The following CCDC88A variants were observed in gnomAD, a reference collection of about 807,000 sequenced individuals.
CCDC88A encodes the protein coiled-coil and HOOK domain protein 88A, also known as girdin.
CCDC88A carries 54 observed loss-of-function variants against 234.3 expected under a neutral mutation model. The ratio of observed to expected loss-of-function variants is 0.23; its 90% confidence interval spans 0.19 to 0.29. The LOEUF (loss-of-function observed/expected upper bound fraction) is 0.29. Ranked by LOEUF, CCDC88A falls within the 10% of genes least tolerant of loss-of-function variation. CCDC88A has a pLI of 1.00. For missense variants in CCDC88A, 1,832 were observed against 2,123.4 expected (o/e 0.86, Z 2.70); for synonymous variants, 753 against 737.8 (o/e 1.02, Z -0.33).
In CCDC88A at chr2:55,317,230, T is replaced by C. The variant is rs1683101079; in HGVS notation, c.3722A>G (p.Lys1241Arg). 1.3e-6 allele frequency: 2 copies of C among 1,523,454 alleles called. No homozygotes were observed. The highest frequency in any genetic ancestry group is 1.8e-6 in the Non-Finnish European group (2 of 1,130,028). 94.4% of individuals were successfully genotyped at this position (1,523,454 alleles called of 1,614,324 possible). A position where few individuals can be genotyped will look rare whatever the true frequency, so the allele number is the denominator to read the frequency against. Residue 1241 changes from lysine to arginine, a missense_variant, in exon 21 of 33, where the codon AAG becomes AGG. Around this residue, in one of 6 missense-constraint regions of CCDC88A, gnomAD observed 1,282 missense variants for 1,543.6 expected, o/e 0.83. Coordinates refer to ENST00000436346, the MANE Select transcript of CCDC88A (RefSeq NM_001365480.1). The surrounding 1 kb of genome is among the most constrained non-coding windows in gnomAD (Gnocchi z 4.2). ...CCTATCATTTTCACCACAAAGTTTC[T>C]TGTATTCTGCAGCTACTGTTTCATG... ...KNHETVAAEY[K>R]KLCGENDRLN...
intron 2 of CCDC88A, among the ~76,000 whole-genome samples, chr2:55,408,514 A>G (rs1253354591): frequency 6.6e-5 from 10 of 152,120 alleles, no homozygotes; most frequent in African/African-American, 2.4e-4. Flanking sequence ...CAAAACCAAG[A>G]TGCTGACAAG....
intron 3 of CCDC88A, among the ~76,000 whole-genome samples, chr2:55,380,553 CAT>C (rs145218719): frequency 0.049 from 7,423 of 152,182 alleles, 309 homozygotes; most frequent in African/African-American, 0.12. Context: ...ATTTCCACCA[CAT>C]GTTAGCTGGC....
At chr2:55,357,257 T>G (rs1428738021) in intron 7 of CCDC88A, among the ~76,000 whole-genome samples, 2 of 152,160 alleles carry the variant, frequency 1.3e-5, no homozygotes, top group East Asian at 3.9e-4. Context: ...TCCAATCTGC[T>G]TCCTATCTCA....
At chr2:55,377,599 A>ATT (rs1343055826) in intron 3 of CCDC88A, among the ~76,000 whole-genome samples, 5 of 151,780 alleles carry the variant, frequency 3.3e-5, no homozygotes, top group African/African-American at 9.7e-5. Flanking sequence ...TTAATTTTTT[A>ATT]TTTATTTTTA....
At chr2:55,376,179 C>A (rs941209327) in intron 3 of CCDC88A, among the ~76,000 whole-genome samples, 1 of 152,124 alleles carries the variant, frequency 6.6e-6, no homozygotes, top group Non-Finnish European at 1.5e-5. Context: ...ACCACTGACA[C>A]TGATGATATG....
In CCDC88A at chr2:55,302,014, C is replaced by T; in HGVS notation, c.4530G>A (p.Glu1510=). Residue 1510 remains glutamate, a synonymous_variant, in exon 27 of 33, where the codon GAG becomes GAA. Transcript: ENST00000436346. ...AAATATCATCAGGAACCTCCAAATT[C>T]TCAGTACTACCTGTCCACTGTCCTG... The part of the protein sequence containing the change: ...VLAGQWTGST[E]NLEVPDDIST... 1 of 1,614,196 alleles carries T rather than the reference C, an allele frequency of 6.2e-7. No homozygotes were observed. Among genetic ancestry groups the T allele is most frequent in the Non-Finnish European group, 8.5e-7 (1 of 1,180,006 alleles).
intron 3 of CCDC88A, among the ~76,000 whole-genome samples, chr2:55,383,622 T>TA (rs113191820): frequency 0.014 from 1,983 of 137,344 alleles, 37 homozygotes; most frequent in East Asian, 0.073. Context: ...GACTCCGTCT[T>TA]AAAAAAAAAA....
chr2:55,294,622 G>C (rs1313646167), intron 31 of CCDC88A: 5 of 986,510 alleles, frequency 5.1e-6, no homozygotes, highest in Non-Finnish European at 1.2e-6. Flanking sequence ...AAAAAAAGGA[G>C]TGACAGTCAG....
intron 2 of CCDC88A, chr2:55,417,956 C>T (rs1481761054): frequency 5.3e-5 from 8 of 152,036 alleles, no homozygotes; most frequent in Non-Finnish European, 4.4e-5. Flanking sequence ...TTGAGCACAA[C>T]TGAAAAATTC....
At chr2:55,361,694 C>G (rs1346608987) in intron 7 of CCDC88A, among the ~76,000 whole-genome samples, 1 of 152,148 alleles carries the variant, frequency 6.6e-6, no homozygotes, top group Non-Finnish European at 1.5e-5. Context: ...TATTACCCAC[C>G]ACCACACGCA....
At chr2:55,386,435 T>TTTTTA (rs70954112) in intron 3 of CCDC88A, among the ~76,000 whole-genome samples, 121,911 of 150,514 alleles carry the variant, frequency 0.81, 50,303 homozygotes, top group Admixed American at 0.9. Context: ...CTCTGTCTCT[T>TTTTTA]TTTTATTTTA....
At chr2:55,305,122 G>A (rs533914648) in intron 25 of CCDC88A, among the ~76,000 whole-genome samples, 2 of 152,252 alleles carry the variant, frequency 1.3e-5, no homozygotes, top group African/African-American at 4.8e-5. Context: ...TGGACACTTA[G>A]ATAAAACAAA....
At chr2:55,414,164 C>T (rs1680967781) in intron 2 of CCDC88A, among the ~76,000 whole-genome samples, 1 of 152,062 alleles carries the variant, frequency 6.6e-6, no homozygotes, top group Non-Finnish European at 1.5e-5. Context: ...ATACTATTAA[C>T]AATTTTCTCA....
At chr2:55,342,124 T>C (rs1360355440) in intron 12 of CCDC88A, among the ~76,000 whole-genome samples, 1 of 152,154 alleles carries the variant, frequency 6.6e-6, no homozygotes, top group African/African-American at 2.4e-5. Flanking sequence ...CTAAGATAGT[T>C]TTAACTTTCC....
At position 55,336,803 on chromosome 2, in the gene CCDC88A, T is replaced by C. The variant is rs145664496; in HGVS notation, c.1534A>G (p.Asn512Asp). The change falls in exon 14 of 33, where the codon AAT becomes GAT. Residue 512 changes from asparagine (N) to aspartate (D), a missense_variant. By Grantham distance (23) the Asn-to-Asp change is conservative. Around this residue, in one of 6 missense-constraint regions of CCDC88A, gnomAD observed 1,282 missense variants for 1,543.6 expected, o/e 0.83. Transcript: ENST00000436346. ...RLSKKVEILE[N>D]EIVQEKQSLQ... ...CTTTGCTTTTCTTGAACAATCTCATTTTCAAGAATCTCAACCTAGAGAAAA... is the reference window on the plus strand; with the variant it reads ...CTTTGCTTTTCTTGAACAATCTCATCTTCAAGAATCTCAACCTAGAGAAAA... 206 of 1,578,576 alleles carry C rather than the reference T, an allele frequency of 1.3e-4. 1 individual carries two copies. In the African/African-American group the frequency reaches 2.5e-3, roughly 19 times the overall value.
intron 14 of CCDC88A, 136 bp downstream of exon 14, chr2:55,336,545 T>G: frequency 1.8e-6 from 1 of 541,206 alleles, no homozygotes. Flanking sequence ...GGTAAAATTA[T>G]AATTACTTTA....
In CCDC88A at chr2:55,365,765, A is replaced by C. The variant is rs1671854186; in HGVS notation, c.403-1732T>G. On this transcript the variant is annotated intron_variant, in intron 5 of 32. Transcript: ENST00000436346. ...CAGAATAAATTTCATAGGCTTTTGA[A>C]GGCTAAAAAAGAGAAAGACTGTCAA... Among the ~76,000 whole-genome samples, 4 of 152,198 alleles carry C rather than the reference A, an allele frequency of 2.6e-5. No homozygotes were observed. In the South Asian group the frequency reaches 8.3e-4, roughly 31 times the overall value.
chr2:55,294,180 A>G (rs1276166737), intron 31 of CCDC88A: 1 of 793,994 alleles, frequency 1.3e-6, no homozygotes, highest in African/African-American at 1.9e-5. Flanking sequence ...CAATGAATAT[A>G]ATTTGGTTTA....
At chr2:55,391,119 G>C (rs183600412) in intron 2 of CCDC88A, among the ~76,000 whole-genome samples, 37 of 152,350 alleles carry the variant, frequency 2.4e-4, no homozygotes, top group African/African-American at 8.4e-4. Flanking sequence ...AATGTAAAGA[G>C]AGAAATTTGA....
Sources: gnomAD v4.1 joint callset for allele counts (sites outside exome capture counted in the v4.1 genomes callset) on GRCh38, gnomAD v4.1.1 for gene constraint, gnomAD v4.1.1 regional missense constraint, Gnocchi (gnomAD v3.1) non-coding constraint, MANE v1.5 for transcripts, NCBI Gene and HGNC (gene_info 2026-07-23, HGNC 2026-07-21) for gene names.